PLEKHA5: variants seen among roughly 807,000 people sequenced by gnomAD.
PLEKHA5 encodes the protein pleckstrin homology domain-containing family A member 5.
A neutral mutation model predicts 181.9 loss-of-function variants in PLEKHA5; 55 were observed. The observed-to-expected ratio is 0.30, with a 90% confidence interval of 0.24 to 0.38. PLEKHA5 has a LOEUF of 0.38. Ranked by LOEUF, PLEKHA5 falls within the 10% of genes least tolerant of loss-of-function variation. PLEKHA5 has a pLI of 1.00. For missense variants in PLEKHA5, 1,432 were observed against 1,549.5 expected (o/e 0.92, Z 1.27); for synonymous variants, 535 against 529.4 (o/e 1.01, Z -0.15).
chr12:19,213,185 A>G (rs1213893197), intron 3 of PLEKHA5, among the ~76,000 whole-genome samples: 1 of 152,116 alleles, frequency 6.6e-6, no homozygotes. Context: ...GTGCAGCGGC[A>G]TGGATGGGGA....
chr12:19,214,616 A>T (rs1345333679), intron 3 of PLEKHA5, among the ~76,000 whole-genome samples: 1 of 152,104 alleles, frequency 6.6e-6, no homozygotes, highest in Non-Finnish European at 1.5e-5. Flanking sequence ...GCGACATATG[A>T]TGGAGGGTGG....
chr12:19,286,180 T>C (rs2077175260), intron 12 of PLEKHA5, among the ~76,000 whole-genome samples: 1 of 152,226 alleles, frequency 6.6e-6, no homozygotes. Flanking sequence ...TTTTATATTG[T>C]ATACTGACAT....
chr12:19,143,166 T>C (rs1431213307), intron 3 of PLEKHA5, among the ~76,000 whole-genome samples: 1 of 152,242 alleles, frequency 6.6e-6, no homozygotes, highest in East Asian at 1.9e-4. Flanking sequence ...AGATCATATA[T>C]GGTAGTTCTA....
At chr12:19,353,792 A>G (rs2094746849) in intron 25 of PLEKHA5, 92 bp from the exon 26 acceptor site, 2 of 734,066 alleles carry the variant, frequency 2.7e-6, no homozygotes, top group African/African-American at 1.8e-5. Context: ...TTGCTTTCTG[A>G]TTTTAAAAAG....
chr12:19,194,498 C>T (rs752829018), intron 3 of PLEKHA5, among the ~76,000 whole-genome samples: 1 of 152,096 alleles, frequency 6.6e-6, no homozygotes, highest in Non-Finnish European at 1.5e-5. Context: ...AGTTCTATTT[C>T]TGGTTTATTG....
At chr12:19,369,596 C>A in intron 30 of PLEKHA5, 97 bp from the exon 31 acceptor site, 2 of 650,204 alleles carry the variant, frequency 3.1e-6, no homozygotes, top group South Asian at 2.1e-5. Context: ...CTTCTCAAAA[C>A]ATGTTCTAAT....
intron 25 of PLEKHA5, among the ~76,000 whole-genome samples, chr12:19,349,628 C>G (rs1454448148): frequency 2.0e-5 from 3 of 151,568 alleles, no homozygotes; most frequent in African/African-American, 7.3e-5. Context: ...ATAGATAGGC[C>G]AGGGGTGGTG....
intron 3 of PLEKHA5, among the ~76,000 whole-genome samples, chr12:19,159,304 G>T (rs1039554086): frequency 1.3e-5 from 2 of 152,054 alleles, no homozygotes; most frequent in Admixed American, 1.3e-4. Flanking sequence ...AGTAAATTGG[G>T]CATTTAGGCT....
intron 5 of PLEKHA5, 139 bp from the exon 6 acceptor site, chr12:19,257,294 T>A: frequency 1.9e-6 from 1 of 522,734 alleles, no homozygotes. Flanking sequence ...AAAAGTAGAA[T>A]TTTAATAATT....
Position 19,358,316 on chromosome 12 carries a change from G to A in PLEKHA5, c.3227G>A (p.Arg1076Lys). The A allele has an allele frequency of 6.2e-7, 1 of 1,613,922 alleles. No individual in the cohort carries two copies. The highest frequency in any genetic ancestry group is 1.7e-5 in the Admixed American group (1 of 59,988). ...MTVEEQMERI[R>K]RHQQACLREK... is the part of the protein sequence containing the mutation. ...GTGGAAGAGCAAATGGAAAGAATAA[G>A]AAGACATCAACAAGCGTGCCTGAGG... Residue 1076 changes from arginine to lysine, a missense_variant, in exon 27 of 32, where the codon AGA (arginine) becomes AAA (lysine). Coordinates refer to ENST00000429027, the MANE Select transcript of PLEKHA5 (RefSeq NM_001256470.2).
chr12:19,306,490 C>T (rs765255339), intron 15 of PLEKHA5: 1 of 699,022 alleles, frequency 1.4e-6, no homozygotes, highest in Non-Finnish European at 2.7e-6. Flanking sequence ...TCTTCCCCCT[C>T]CTTGCTGTGT....
intron 3 of PLEKHA5, among the ~76,000 whole-genome samples, chr12:19,234,187 C>T (rs1346378284): frequency 6.6e-6 from 1 of 152,168 alleles, no homozygotes; most frequent in Non-Finnish European, 1.5e-5. Flanking sequence ...ACTGAAATCG[C>T]CTCTTGAAAC....
intron 15 of PLEKHA5, among the ~76,000 whole-genome samples, chr12:19,302,905 AATTTTTTTTTTTTT>A (rs2081977927): frequency 2.8e-5 from 3 of 106,624 alleles, no homozygotes; most frequent in South Asian, 7.6e-4. Flanking sequence ...TTCTGTATGA[AATTTTTTTTTTTTT>A]TTTTTTTTTT....
chr12:19,213,831 G>A (rs2057429793), intron 3 of PLEKHA5, among the ~76,000 whole-genome samples: 3 of 152,130 alleles, frequency 2.0e-5, no homozygotes, highest in South Asian at 4.1e-4. Flanking sequence ...TTGTGTTTGA[G>A]ATGAGACATT....
chr12:19,333,195 G>A lies in PLEKHA5; in HGVS notation c.2449-3320G>A, dbSNP rs531803234. On this transcript the variant is annotated intron_variant, in intron 20 of 31. Coordinates refer to ENST00000429027, the MANE Select transcript of PLEKHA5 (RefSeq NM_001256470.2). Reference sequence around the variant, plus strand: ...AACTACTCGGGAGCCTGAGGCAGGCGAATCGCTTGAACCCAGGAGGCAGAG... The same window carrying A: ...AACTACTCGGGAGCCTGAGGCAGGCAAATCGCTTGAACCCAGGAGGCAGAG... 9.2e-5 allele frequency among the ~76,000 whole-genome samples: 14 copies of A among 152,116 alleles called. 1 individual carries two copies. The highest frequency in any genetic ancestry group is 3.9e-4 in the East Asian group (2 of 5,118).
At chr12:19,146,484 A>G (rs1018316603) in intron 3 of PLEKHA5, among the ~76,000 whole-genome samples, 11 of 152,216 alleles carry the variant, frequency 7.2e-5, no homozygotes, top group African/African-American at 2.2e-4. Flanking sequence ...GCACCCCTAC[A>G]AATAAAAAGT....
intron 15 of PLEKHA5, among the ~76,000 whole-genome samples, chr12:19,297,665 A>T (rs1429803000): frequency 1.3e-5 from 2 of 151,182 alleles, no homozygotes; most frequent in African/African-American, 4.9e-5. Context: ...GTGCAAGCAT[A>T]CCTATGTATT....
intron 3 of PLEKHA5, among the ~76,000 whole-genome samples, chr12:19,213,185 A>T (rs1213893197): frequency 6.6e-6 from 1 of 152,116 alleles, no homozygotes; most frequent in African/African-American, 2.4e-5. Context: ...GTGCAGCGGC[A>T]TGGATGGGGA....
intron 3 of PLEKHA5, chr12:19,202,059 T>C (rs1439574452): frequency 6.9e-6 from 6 of 868,162 alleles, no homozygotes; most frequent in Non-Finnish European, 8.3e-6. Context: ...TCACAGTTAC[T>C]CCCCACTCTT....
Sources: gnomAD v4.1 joint callset for allele counts (sites outside exome capture counted in the v4.1 genomes callset) on GRCh38, gnomAD v4.1.1 for gene constraint, MANE v1.5 for transcripts, NCBI Gene and HGNC (gene_info 2026-07-23, HGNC 2026-07-21) for gene names.